The following AGRN variants were observed in gnomAD, a reference collection of about 807,000 sequenced individuals.
AGRN encodes agrin.
In AGRN, 106 loss-of-function variants were observed where a neutral mutation model predicts 211.0. The ratio of observed to expected loss-of-function variants is 0.50; its 90% confidence interval spans 0.43 to 0.59. The LOEUF is 0.59. AGRN is among the 20% of genes least tolerant of loss of function. The pLI is 0.00. For synonymous variants in AGRN, 1,525 were observed against 1,332.5 expected, an observed-to-expected ratio of 1.14 and a Z score of -3.15; for missense variants, 3,040 against 2,982.6, an observed-to-expected ratio of 1.02 and a Z score of -0.45.
Position 1,049,381 on chromosome 1 carries a change from A to T in AGRN, c.4444A>T (p.Ser1482Cys). The T allele has an allele frequency of 1.3e-6, 2 of 1,598,588 alleles. No individual in the cohort carries two copies. The highest frequency in any genetic ancestry group is 8.5e-7 in the Non-Finnish European group (1 of 1,179,666). ...GACCCCTGTTCTGGGCGAGAGTCCC[A>T]GTGGCACCGACGGCCTCAACCTGGA... ...GETPVLGESP[S>C]GTDGLNLDTD... The change falls in exon 25 of 36, where the codon AGT becomes TGT. Residue 1482 changes from serine to cysteine, a missense_variant. Around this residue, in one of 3 missense-constraint regions of AGRN, gnomAD observed 1,537 missense variants for 1,505.0 expected, o/e 1.02. Transcript: ENST00000379370.
rs1271577167 is a variant in AGRN at position 1,049,781 on chromosome 1, C to T, written c.4730C>T (p.Pro1577Leu). 1.4e-5 allele frequency: 22 copies of T among 1,592,426 alleles called. No individual in the cohort carries two copies. The highest frequency in any genetic ancestry group is 3.3e-4 in the Middle Eastern group (2 of 6,006). Residue 1577 changes from proline (P) to leucine (L), a missense_variant, in exon 26 of 36, where the codon CCG becomes CTG. Pro to Leu is a moderately conservative substitution (Grantham distance 98, BLOSUM62 -3). Around this residue, in one of 3 missense-constraint regions of AGRN, gnomAD observed 1,537 missense variants for 1,505.0 expected, o/e 1.02. Coordinates refer to ENST00000379370, the MANE Select transcript of AGRN (RefSeq NM_198576.4). Reference protein sequence around the residue: ...LEAGRFHCQCPPGRVGPTCAD... With the variant: ...LEAGRFHCQCLPGRVGPTCAD... The stretch of plus-strand genomic sequence containing the variant: ...GCTGGAAGGTTCCATTGCCAGTGCC[C>T]GCCCGGCCGCGTCGGTGAGGGTGGG...
chr1:1,025,216 G>A (rs1053410516), intron 2 of AGRN, among the ~76,000 whole-genome samples: 1 of 151,978 alleles, frequency 6.6e-6, no homozygotes, highest in Non-Finnish European at 1.5e-5. Flanking sequence ...GTCAGAGTGA[G>A]TCTGGCGCCT....
rs376387543 is a variant in AGRN at position 1,045,734 on chromosome 1, C to T, written c.2538C>T (p.Pro846=). ...IVTDGRSGCT[P]CSCDPQGAVR... ...GTTCCTCCCCGATTTTCCCCAAAGC[C>T]TGCAGCTGTGATCCCCAAGGCGCCG... The change falls in exon 15 of 36, where the codon CCC becomes CCT. Residue 846 remains proline (P), a splice_region_variant and synonymous_variant. Transcript: ENST00000379370. 3 of 1,613,264 alleles carry T rather than the reference C, an allele frequency of 1.9e-6. No individual in the cohort carries two copies. The highest frequency in any genetic ancestry group is 1.7e-5 in the Admixed American group (1 of 60,010).
rs1185389665 is a variant in AGRN at position 1,055,313 on chromosome 1, C to G, written c.*332C>G. The G allele has an allele frequency of 2.5e-6, 1 of 400,022 alleles. No individual in the cohort carries two copies. Among genetic ancestry groups the G allele is most frequent in the Non-Finnish European group, 4.8e-6 (1 of 208,914 alleles). The allele number at this position is 400,022 out of a possible 1,614,324, so 24.8% of individuals were successfully genotyped here. On this transcript the variant is annotated 3_prime_UTR_variant, in exon 36 of 36. Coordinates refer to ENST00000379370, the MANE Select transcript of AGRN (RefSeq NM_198576.4). The stretch of plus-strand genomic sequence containing the variant: ...CACCCTCGCTCCGTCAGGCGGGACT[C>G]GTGTCCCAGAGAGGAAGGGGCTGCT...
At position 1,043,286 on chromosome 1, in the gene AGRN, A is replaced by T; in HGVS notation, c.1432A>T (p.Thr478Ser). The change falls in exon 8 of 36, where the codon ACG (threonine) becomes TCG (serine). Residue 478 changes from threonine (T) to serine (S), a missense_variant. Transcript: ENST00000379370. ...CGGGGTGCAGTGTGCATTTGGGGCG[A>T]CGTGTGCTGTGAAGAACGGGCAGGC... is the stretch of plus-strand genomic sequence containing the variant. ...CLGVQCAFGATCAVKNGQAAC... is the reference protein window; with the variant it reads ...CLGVQCAFGASCAVKNGQAAC... 1 of 1,611,702 alleles carries T rather than the reference A, an allele frequency of 6.2e-7. No individual in the cohort carries two copies. The highest frequency in any genetic ancestry group is 8.5e-7 in the Non-Finnish European group (1 of 1,179,500).
intron 2 of AGRN, chr1:1,034,392 C>T: frequency 2.0e-6 from 2 of 985,610 alleles, no homozygotes; most frequent in Non-Finnish European, 2.4e-6. Flanking sequence ...GGAGCCGGGA[C>T]CTGGCACCCC....
Position 1,051,699 on chromosome 1 carries a change from G to A in AGRN, c.5564-29G>A, listed in dbSNP as rs766211045. On this transcript the variant is annotated intron_variant, in intron 32 of 35. Transcript: ENST00000379370. The stretch of plus-strand genomic sequence containing the variant: ...GGCCGGATGGGCCCGGAGCCCACGA[G>A]GCCCCACCCTCACCTGCCTATCTCA... 11 of 1,613,282 alleles carry A rather than the reference G, an allele frequency of 6.8e-6. No individual in the cohort carries two copies. The African/African-American group carries it at 9.3e-5, about 14-fold the overall frequency.
At chr1:1,043,753 G>A (rs776271714) in intron 9 of AGRN, 21 bp downstream of exon 9, 20 of 1,602,184 alleles carry the variant, frequency 1.2e-5, no homozygotes, top group African/African-American at 2.7e-5. Context: ...CCCTGGGGCC[G>A]GGCGGGCCAG....
At chr1:1,022,988 G>A (rs1644443259) in intron 2 of AGRN, among the ~76,000 whole-genome samples, 1 of 152,230 alleles carries the variant, frequency 6.6e-6, no homozygotes, top group Non-Finnish European at 1.5e-5. Flanking sequence ...CCGAGGAGTG[G>A]CCCTCCCTGA....
At position 1,041,473 on chromosome 1, in the gene AGRN, C is replaced by A; in HGVS notation, c.953-5C>A. The A allele has an allele frequency of 3.8e-6, 6 of 1,589,826 alleles. No individual in the cohort carries two copies. Among genetic ancestry groups the A allele is most frequent in the Non-Finnish European group, 5.1e-6 (6 of 1,175,340 alleles). ...AGCGTCCTGACTCCTGCCCTCGACCCCCAGACCCCTGTCAGGGCGCCCTCC... is the reference window on the plus strand; with the variant it reads ...AGCGTCCTGACTCCTGCCCTCGACCACCAGACCCCTGTCAGGGCGCCCTCC... On this transcript the variant is annotated splice_polypyrimidine_tract_variant and splice_region_variant and intron_variant, in intron 5 of 35. Coordinates refer to ENST00000379370, the MANE Select transcript of AGRN (RefSeq NM_198576.4).
chr1:1,038,294 T>G lies in AGRN; in HGVS notation c.512-2371T>G, dbSNP rs549093341. 2.6e-5 allele frequency among the ~76,000 whole-genome samples: 4 copies of G among 152,286 alleles called. No individual in the cohort carries two copies. The South Asian group carries it at 8.3e-4, about 32-fold the overall frequency. On this transcript the variant is annotated intron_variant, in intron 3 of 35. Coordinates refer to ENST00000379370, the MANE Select transcript of AGRN (RefSeq NM_198576.4). ...ACACCAGATGGGGATGGGGAGCCAG[T>G]GCTCAGCCTGGCTTCAAGGTCCCGC...
rs1645291989 is a variant in AGRN, at chr1:1,051,554, C to A, written c.5472C>A (p.His1824Gln). 1 of 1,580,644 alleles carries A rather than the reference C, an allele frequency of 6.3e-7. No individual in the cohort carries two copies. The highest frequency in any genetic ancestry group is 8.6e-7 in the Non-Finnish European group (1 of 1,162,598). Residue 1824 changes from histidine to glutamine, a missense_variant, in exon 32 of 36, where the codon CAC becomes CAA. By Grantham distance (24) the His-to-Gln change is conservative. Transcript: ENST00000379370. ...AGHPCTRASG[H>Q]PCLNGASCVP... ...ACCCCTGCACCCGGGCCTCAGGCCA[C>A]CCCTGCCTCAATGGGGCCTCCTGCG...
rs139302553 is a variant in AGRN, at chr1:1,043,314, C to A, written c.1460C>A (p.Ala487Glu). Residue 487 changes from alanine to glutamate, a missense_variant, in exon 8 of 36, where the codon GCG (alanine) becomes GAG (glutamate). By Grantham distance (107) the Ala-to-Glu change is moderately radical. Around this residue, in one of 3 missense-constraint regions of AGRN, gnomAD observed 1,498 missense variants for 1,457.8 expected, o/e 1.03. Transcript: ENST00000379370. ...TGTGCTGTGAAGAACGGGCAGGCAGCGTGTGAATGCCTGCAGGCGTGCTCG... is the reference window on the plus strand; with the variant it reads ...TGTGCTGTGAAGAACGGGCAGGCAGAGTGTGAATGCCTGCAGGCGTGCTCG... ...ATCAVKNGQA[A>E]CECLQACSSL... The A allele has an allele frequency of 6.2e-7, 1 of 1,610,822 alleles. No individual in the cohort carries two copies. The highest frequency in any genetic ancestry group is 1.7e-5 in the Admixed American group (1 of 59,582).
Position 1,047,772 on chromosome 1 carries a change from C to G in AGRN, c.3632-4C>G, listed in dbSNP as rs370599253. 1.2e-6 allele frequency: 2 copies of G among 1,608,770 alleles called. No individual in the cohort carries two copies. Among genetic ancestry groups the G allele is most frequent in the Admixed American group, 1.7e-5 (1 of 59,274 alleles). Reference sequence around the variant, plus strand: ...TGCCATGCTCAGAGCTCCCTCCTCCCCAGCCACAGCCTTCAGGGCACCCGA... The same window carrying G: ...TGCCATGCTCAGAGCTCCCTCCTCCGCAGCCACAGCCTTCAGGGCACCCGA... On this transcript the variant is annotated splice_region_variant and splice_polypyrimidine_tract_variant and intron_variant, in intron 21 of 35. Coordinates refer to ENST00000379370, the MANE Select transcript of AGRN (RefSeq NM_198576.4).
At chr1:1,052,486 A>G (rs1645326817) in intron 33 of AGRN, 6 of 264,610 alleles carry the variant, frequency 2.3e-5, no homozygotes, top group South Asian at 2.0e-4. Flanking sequence ...ATGTGTGTGT[A>G]TATGAGGGAG....
intron 3 of AGRN, among the ~76,000 whole-genome samples, chr1:1,037,685 T>G (rs993035978): frequency 6.6e-6 from 1 of 152,056 alleles, no homozygotes; most frequent in African/African-American, 2.4e-5. Context: ...CACAGGGCTC[T>G]CAGGGTCCTA....
Position 1,040,718 on chromosome 1 carries a change from G to C in AGRN, c.565G>C (p.Gly189Arg), listed in dbSNP as rs1245517864. Residue 189 changes from glycine to arginine, a missense_variant, in exon 4 of 36, where the codon GGG becomes CGG. By Grantham distance (125) the Gly-to-Arg change is moderately radical. Around this residue, in one of 3 missense-constraint regions of AGRN, gnomAD observed 1,498 missense variants for 1,457.8 expected, o/e 1.03. Coordinates refer to ENST00000379370, the MANE Select transcript of AGRN (RefSeq NM_198576.4). ...FGAVCEPNAE[G>R]PGRASCVCKK... is the part of the protein sequence containing the mutation. The stretch of plus-strand genomic sequence containing the variant: ...CGCCGTGTGCGAGCCCAACGCGGAG[G>C]GGCCGGGCCGGGCGTCCTGCGTCTG... The C allele has an allele frequency of 6.5e-7, 1 of 1,546,602 alleles. No homozygotes were observed.
Position 1,042,103 on chromosome 1 carries a change from G to A in AGRN, c.1325G>A (p.Arg442Gln). 3.7e-6 allele frequency: 6 copies of A among 1,603,102 alleles called. No individual in the cohort carries two copies. Among genetic ancestry groups the A allele is most frequent in the Non-Finnish European group, 4.2e-6 (5 of 1,178,658 alleles). Reference sequence around the variant, plus strand: ...CGCACGTATGACAGTGATTGCTGGCGGCAGCAGGCTGAGTGCCGGCAGCAG... The same window carrying A: ...CGCACGTATGACAGTGATTGCTGGCAGCAGCAGGCTGAGTGCCGGCAGCAG... ...DGRTYDSDCW[R>Q]QQAECRQQRA... The change falls in exon 7 of 36, where the codon CGG becomes CAG. Residue 442 changes from arginine (R) to glutamine (Q), a missense_variant. Physicochemically the swap from Arg to Gln is conservative, Grantham distance 43 (BLOSUM62 1). Around this residue, in one of 3 missense-constraint regions of AGRN, gnomAD observed 1,498 missense variants for 1,457.8 expected, o/e 1.03. Coordinates refer to ENST00000379370, the MANE Select transcript of AGRN (RefSeq NM_198576.4).
intron 1 of AGRN, 37 bp downstream of exon 1, chr1:1,020,410 C>T: frequency 6.8e-7 from 1 of 1,480,060 alleles, no homozygotes; most frequent in South Asian, 1.3e-5. Context: ...CCTCGCGACG[C>T]CTGCCGCCCC....
Sources: allele counts gnomAD v4.1 joint callset (sites outside exome capture counted in the v4.1 genomes callset), GRCh38; gene constraint gnomAD v4.1.1; regional missense constraint gnomAD v4.1.1; transcripts MANE v1.5; gene names NCBI Gene and HGNC (gene_info 2026-07-23, HGNC 2026-07-21).